Variants in TAF4B observed in about 807,000 individuals in gnomAD.
TAF4B encodes TATA-box binding protein associated factor 4b.
A neutral mutation model predicts 86.4 loss-of-function variants in TAF4B; 38 were observed. The observed-to-expected ratio is 0.44, with a 90% CI of 0.34 to 0.58. TAF4B has a LOEUF of 0.58. Ranked by LOEUF, TAF4B falls within the 20% of genes least tolerant of loss-of-function variation. The pLI, the probability that TAF4B is intolerant of heterozygous loss-of-function variation, is 0.02. For synonymous variants in TAF4B, 388 were observed against 391.2 expected, an observed-to-expected ratio of 0.99 and a Z score of 0.10; for missense variants, 988 against 1,027.6, an observed-to-expected ratio of 0.96 and a Z score of 0.53.
chr18:26,359,565 A>G (rs962417796), intron 14 of TAF4B, among the ~76,000 whole-genome samples: 1 of 152,210 alleles, frequency 6.6e-6, no homozygotes, highest in Non-Finnish European at 1.5e-5. Flanking sequence ...CCTTTATTTT[A>G]AAGTAATTTT....
chr18:26,296,832 A>G (rs2056668440), intron 9 of TAF4B, among the ~76,000 whole-genome samples: 1 of 152,134 alleles, frequency 6.6e-6, no homozygotes, highest in Admixed American at 6.6e-5. Context: ...GGCATCTGTC[A>G]AAGTCAAATT....
chr18:26,353,261 T>C (rs1313817138), intron 13 of TAF4B, among the ~76,000 whole-genome samples: 4 of 152,230 alleles, frequency 2.6e-5, no homozygotes, highest in African/African-American at 4.8e-5. Context: ...ATACCATGAC[T>C]ATGTATATTA....
intron 14 of TAF4B, among the ~76,000 whole-genome samples, chr18:26,375,502 A>AT (rs1486102450): frequency 6.6e-6 from 1 of 152,140 alleles, no homozygotes; most frequent in Non-Finnish European, 1.5e-5. Context: ...CAACTGCATG[A>AT]TTTGACTTTT....
intron 14 of TAF4B, among the ~76,000 whole-genome samples, chr18:26,370,643 G>A (rs1415673446): frequency 6.6e-6 from 1 of 152,160 alleles, no homozygotes; most frequent in African/African-American, 2.4e-5. Flanking sequence ...AATGAGGTAC[G>A]AAGCACCTGA....
At chr18:26,315,094 A>ACCTCTC in intron 9 of TAF4B, 135 bp from the exon 10 acceptor site, 1 of 324,342 alleles carries the variant, frequency 3.1e-6, no homozygotes, top group Non-Finnish European at 4.6e-6. Flanking sequence ...TGCTCTCTGA[A>ACCTCTC]ACTCTCTCTC....
chr18:26,293,139 T>A (rs949318870), intron 8 of TAF4B, among the ~76,000 whole-genome samples: 1 of 152,222 alleles, frequency 6.6e-6, no homozygotes, highest in Non-Finnish European at 1.5e-5. Flanking sequence ...AATACCAATA[T>A]AAGCAATGTA....
intron 7 of TAF4B, among the ~76,000 whole-genome samples, chr18:26,287,538 T>C (rs1425634698): frequency 6.6e-6 from 1 of 152,240 alleles, no homozygotes; most frequent in African/African-American, 2.4e-5. Flanking sequence ...ACCAGAAGGC[T>C]ATGAAAGTAT....
chr18:26,358,478 A>G (rs895605143), intron 14 of TAF4B, among the ~76,000 whole-genome samples: 3 of 152,240 alleles, frequency 2.0e-5, no homozygotes, highest in Admixed American at 6.5e-5. Context: ...TGGGAGGCCA[A>G]GGCGGGCGGA....
At chr18:26,258,756 T>A (rs2056121499) in intron 1 of TAF4B, among the ~76,000 whole-genome samples, 1 of 152,124 alleles carries the variant, frequency 6.6e-6, no homozygotes, top group African/African-American at 2.4e-5. Context: ...AGTGCTGTGG[T>A]GTGATTATAG....
rs141532372 is a variant in TAF4B, at chr18:26,371,599, T to A, written c.2421+13805T>A. On this transcript the variant is annotated intron_variant, in intron 14 of 14. Transcript: ENST00000269142. ...AAAGTCAGTGCAGTAATCAGAATAG[T>A]CTGAGCTGCAGAGATCTTTGATATT... Among the ~76,000 whole-genome samples the A allele has an allele frequency of 3.3e-5, 5 of 152,330 alleles. No individual in the cohort carries two copies. The East Asian group carries it at 9.6e-4, about 29-fold the overall frequency.
chr18:26,275,492 G>GT lies in TAF4B; in HGVS notation c.882+445dup, dbSNP rs1223202197. On this transcript the variant is annotated intron_variant, in intron 5 of 14. Transcript: ENST00000269142. ...TTAAATGTAGTTCTTGATAAATTTT[G>GT]TTTTTTGCTTCTTGAAAGCTTTGTA... Among the ~76,000 whole-genome samples, 6 of 152,118 alleles carry GT rather than the reference G, an allele frequency of 3.9e-5. No individual in the cohort carries two copies. In the South Asian group the frequency reaches 1.2e-3, roughly 32 times the overall value.
chr18:26,330,507 A>G (rs2057041708), intron 12 of TAF4B, among the ~76,000 whole-genome samples: 1 of 152,196 alleles, frequency 6.6e-6, no homozygotes, highest in Admixed American at 6.5e-5. Flanking sequence ...TGAGGATGAC[A>G]TTCAGAAACT....
At chr18:26,347,419 A>G (rs892896737) in intron 13 of TAF4B, among the ~76,000 whole-genome samples, 1 of 146,484 alleles carries the variant, frequency 6.8e-6, no homozygotes. Context: ...CACTGGTAGA[A>G]CCAATACAGA....
In TAF4B at chr18:26,357,678, TCCG is replaced by T; in HGVS notation, c.2317-11_2317-9del. The T allele has an allele frequency of 6.3e-7, 1 of 1,588,128 alleles. No homozygotes were observed. Among genetic ancestry groups the T allele is most frequent in the Non-Finnish European group, 8.6e-7 (1 of 1,163,570 alleles). On this transcript the variant is annotated splice_polypyrimidine_tract_variant and intron_variant, in intron 13 of 14. Coordinates refer to ENST00000269142, the MANE Select transcript of TAF4B (RefSeq NM_005640.3). ...TGTATAAACATTGATATTTTTTTCT[TCCG>T]TCTTCTAGTTACAGCAATTGGAACT...
intron 9 of TAF4B, among the ~76,000 whole-genome samples, chr18:26,300,878 G>T (rs1360045535): frequency 1.3e-5 from 2 of 150,818 alleles, no homozygotes; most frequent in Non-Finnish European, 3.0e-5. Flanking sequence ...CCTTTTGCTT[G>T]TTTTTTCCTT....
chr18:26,318,249 G>A (rs943854443), intron 10 of TAF4B, among the ~76,000 whole-genome samples: 6 of 152,028 alleles, frequency 3.9e-5, no homozygotes, highest in African/African-American at 1.4e-4. Flanking sequence ...TGCCCAGGTT[G>A]ATCTTGAACT....
rs1191924148 is a variant in TAF4B, at chr18:26,389,506, A to G, written c.2422-339A>G. 3.9e-5 allele frequency among the ~76,000 whole-genome samples: 6 copies of G among 152,308 alleles called. No homozygotes were observed. The East Asian group carries it at 1.2e-3, about 29-fold the overall frequency. On this transcript the variant is annotated intron_variant, in intron 14 of 14. Transcript: ENST00000269142. Reference sequence around the variant, plus strand: ...AATCAAAGTGATAAACAAGTCTTTCACTCTCAAAAGATTTGTGTAAGACCT... The same window carrying G: ...AATCAAAGTGATAAACAAGTCTTTCGCTCTCAAAAGATTTGTGTAAGACCT...
chr18:26,277,090 A>T (rs995171604), intron 5 of TAF4B, among the ~76,000 whole-genome samples: 23 of 151,156 alleles, frequency 1.5e-4, no homozygotes, highest in African/African-American at 9.7e-5. Flanking sequence ...TATTGAAAAA[A>T]TTTTTTTTTG....
At chr18:26,357,007 G>C (rs1014860920) in intron 13 of TAF4B, among the ~76,000 whole-genome samples, 1 of 152,050 alleles carries the variant, frequency 6.6e-6, no homozygotes, top group Non-Finnish European at 1.5e-5. Context: ...TTAGAATTTT[G>C]CCATGAATAT....
Sources: gnomAD v4.1 joint callset for allele counts (sites outside exome capture counted in the v4.1 genomes callset) on GRCh38, gnomAD v4.1.1 for gene constraint, MANE v1.5 for transcripts, NCBI Gene and HGNC (gene_info 2026-07-23, HGNC 2026-07-21) for gene names.